The following PGM3 variants were observed in gnomAD, a reference collection of about 807,000 sequenced individuals.
PGM3 encodes the protein phosphoglucomutase 3.
Under a neutral mutation model 66.2 loss-of-function variants are expected in PGM3, and 40 were observed. The observed-to-expected ratio is 0.60, with a 90% CI of 0.47 to 0.79. The LOEUF (loss-of-function observed/expected upper bound fraction) is 0.79. Among genes scored for constraint, PGM3 ranks in the 30% least tolerant of loss-of-function variants. The pLI, the probability that PGM3 is intolerant of heterozygous loss-of-function variation, is 0.00. For synonymous variants in PGM3, 191 were observed against 224.2 expected, an observed-to-expected ratio of 0.85 and a Z score of 1.32; for missense variants, 537 against 643.4, an observed-to-expected ratio of 0.83 and a Z score of 1.79.
rs751882115 is a variant in PGM3, at chr6:83,168,209, T to C, written c.*1025A>G. 1 of 1,570,224 alleles carries C rather than the reference T, an allele frequency of 6.4e-7. No individual in the cohort carries two copies. Among genetic ancestry groups the C allele is most frequent in the South Asian group, 1.2e-5 (1 of 82,460 alleles). Reference sequence around the variant, plus strand: ...CATTTAGCTTACATGTAAATGTAATTATTTAAAACACACACACTGCTCTGC... The same window carrying C: ...CATTTAGCTTACATGTAAATGTAATCATTTAAAACACACACACTGCTCTGC... On this transcript the variant is annotated 3_prime_UTR_variant, in exon 13 of 13. Transcript: ENST00000513973.
chr6:83,152,226 A>T, the PGM3 span: 2 of 938,356 alleles, frequency 2.1e-6, no homozygotes, highest in Non-Finnish European at 3.2e-6. Flanking sequence ...ACACACACAC[A>T]CACACATAAA....
At chr6:83,152,180 T>A in the PGM3 span, 2 of 748,344 alleles carry the variant, frequency 2.7e-6, no homozygotes. Flanking sequence ...TATATATACA[T>A]ATACATATAT....
chr6:83,151,800 A>G, the PGM3 span: 13 of 1,459,810 alleles, frequency 8.9e-6, no homozygotes, highest in Admixed American at 2.4e-4. Context: ...TAAAATATCT[A>G]TTATCAGAAA....
At position 83,188,766 on chromosome 6, in the gene PGM3, C is replaced by G; in HGVS notation, c.237G>C (p.Leu79Phe). ...EDNGVKLVDP[L>F]GEMLAPSWEE... is the part of the protein sequence containing the mutation. ...CCCAGGATGGTGCCAACATTTCACC[C>G]AAAGGATCAACCAATTTTACACCAT... Residue 79 changes from leucine (L) to phenylalanine (F), a missense_variant, in exon 3 of 13, where the codon TTG (leucine) becomes TTC (phenylalanine). Physicochemically the swap from Leu to Phe is conservative, Grantham distance 22 (BLOSUM62 0). Transcript: ENST00000513973. 6.2e-7 allele frequency: 1 copy of G among 1,614,028 alleles called. No homozygotes were observed. The highest frequency in any genetic ancestry group is 1.1e-5 in the South Asian group (1 of 91,082).
chr6:83,192,924 G>C (rs1444397387), intron 1 of PGM3, among the ~76,000 whole-genome samples: 1 of 152,036 alleles, frequency 6.6e-6, no homozygotes, highest in African/African-American at 2.4e-5. Flanking sequence ...GGTGATTCCC[G>C]GCACTCCACC....
chr6:83,182,011 T>C (rs1788209431), intron 5 of PGM3, 80 bp from the exon 6 acceptor site: 7 of 669,994 alleles, frequency 1.0e-5, no homozygotes, highest in African/African-American at 1.9e-5. Context: ...TATACATATG[T>C]GCATATGTAA....
chr6:83,184,185 T>C, intron 4 of PGM3, among the ~76,000 whole-genome samples: 1 of 151,974 alleles, frequency 6.6e-6, no homozygotes, highest in East Asian at 1.9e-4. Context: ...AGCTAACATA[T>C]AAGAAAAGCA....
At chr6:83,173,828 C>T (rs898782371) in intron 10 of PGM3, among the ~76,000 whole-genome samples, 4 of 152,126 alleles carry the variant, frequency 2.6e-5, no homozygotes, top group Non-Finnish European at 5.9e-5. Flanking sequence ...GCTCTGCCTC[C>T]CGGGTTCACA....
intron 4 of PGM3, among the ~76,000 whole-genome samples, chr6:83,183,760 G>A (rs1356275407): frequency 6.6e-6 from 1 of 151,512 alleles, no homozygotes; most frequent in Non-Finnish European, 1.5e-5. Flanking sequence ...GAGTTTCACC[G>A]TATCGCTCAG....
At position 83,187,041 on chromosome 6, in the gene PGM3, C is replaced by T; in HGVS notation, c.424G>A (p.Asp142Asn). Residue 142 changes from aspartate (D) to asparagine (N), a missense_variant, in exon 4 of 13, where the codon GAT (aspartate) becomes AAT (asparagine). Transcript: ENST00000513973. ...SSEKLSQSVI[D>N]GVTVLGGQFH... ...TGACCTCCTAGAACAGTCACACCAT[C>T]TATTACAGATTGTGAAAGTTTCTCA... 1 of 1,602,564 alleles carries T rather than the reference C, an allele frequency of 6.2e-7. No homozygotes were observed. The highest frequency in any genetic ancestry group is 1.3e-5 in the African/African-American group (1 of 74,840).
the PGM3 span, chr6:83,154,296 C>A: frequency 2.0e-6 from 3 of 1,503,774 alleles, no homozygotes; most frequent in Admixed American, 3.4e-5. Context: ...TTCCTTCTTA[C>A]TATTTACTTG....
chr6:83,190,915 T>G lies in PGM3; in HGVS notation c.98A>C (p.Glu33Ala), dbSNP rs372460106. The G allele has an allele frequency of 6.2e-7, 1 of 1,614,070 alleles. No homozygotes were observed. The highest frequency in any genetic ancestry group is 8.5e-7 in the Non-Finnish European group (1 of 1,180,006). Residue 33 changes from glutamate (E) to alanine (A), a missense_variant, in exon 2 of 13, where the codon GAA becomes GCA. Physicochemically the swap from Glu to Ala is moderately radical, Grantham distance 107 (BLOSUM62 -1). Transcript: ENST00000513973. ...GCGAAACATGACATGATCAAGATGT[T>G]CTGCCTTCGTTCGAAATCCAGCAGT... is the stretch of plus-strand genomic sequence containing the variant. ...YGTAGFRTKA[E>A]HLDHVMFRMG...
rs139032063 is a variant in PGM3 at position 83,186,944 on chromosome 6, T to C, written c.457+64A>G. ...TCAAACTTTTCTAAATAAATATACA[T>C]TACTTTTGTAAATTAAAGTTTTTTA... On this transcript the variant is annotated intron_variant, in intron 4 of 12. Coordinates refer to ENST00000513973, the MANE Select transcript of PGM3 (RefSeq NM_015599.3). 113 of 880,764 alleles carry C rather than the reference T, an allele frequency of 1.3e-4. No individual in the cohort carries two copies. In the East Asian group the frequency reaches 3.1e-3, roughly 24 times the overall value. The allele number at this position is 880,764 out of a possible 1,614,324, so 54.6% of individuals were successfully genotyped here.
At chr6:83,187,990 G>T (rs867013148) in intron 3 of PGM3, among the ~76,000 whole-genome samples, 12 of 152,222 alleles carry the variant, frequency 7.9e-5, no homozygotes, top group African/African-American at 2.6e-4. Context: ...ACAACAGAGG[G>T]TAAAAAAACC....
intron 10 of PGM3, 65 bp downstream of exon 10, chr6:83,174,309 C>G: frequency 2.3e-6 from 2 of 860,910 alleles, no homozygotes; most frequent in South Asian, 3.0e-5. Context: ...CACCCACACT[C>G]TGTTCTGTCC....
At position 83,166,957 on chromosome 6, in the gene PGM3, G is replaced by T. The variant is rs1332056867; in HGVS notation, c.*2277C>A. 4 of 986,056 alleles carry T rather than the reference G, an allele frequency of 4.1e-6. No homozygotes were observed. Among genetic ancestry groups the T allele is most frequent in the Non-Finnish European group, 4.8e-6 (4 of 830,584 alleles). The allele number at this position is 986,056 out of a possible 1,614,324, so 61.1% of individuals were successfully genotyped here. The stretch of plus-strand genomic sequence containing the variant: ...TATTTTCATTCTTTAGTGTGGAATT[G>T]TATCTGTGATTCTGCCCAAGTTCAA... On this transcript the variant is annotated 3_prime_UTR_variant, in exon 13 of 13. Transcript: ENST00000513973.
intron 11 of PGM3, 74 bp from the exon 12 acceptor site, chr6:83,170,552 C>CCTG: frequency 8.5e-7 from 1 of 1,179,184 alleles, no homozygotes; most frequent in Non-Finnish European, 1.2e-6. Flanking sequence ...AACATACATT[C>CCTG]TACGAAAAGT....
At chr6:83,193,366 G>C (rs532586866), upstream of PGM3, 1 of 152,304 alleles carries the variant, frequency 6.6e-6, no homozygotes, top group South Asian at 2.1e-4. Context: ...CGCAGGTCGC[G>C]CGCAGCTGGC....
intron 11 of PGM3, chr6:83,170,877 A>G (rs902496939): frequency 3.1e-5 from 5 of 161,238 alleles, no homozygotes; most frequent in African/African-American, 4.8e-5. Context: ...AGTACCTCCA[A>G]TTGTCTTTCA....
Sources: allele counts gnomAD v4.1 joint callset (sites outside exome capture counted in the v4.1 genomes callset), GRCh38; gene constraint gnomAD v4.1.1; transcripts MANE v1.5; gene names NCBI Gene and HGNC (gene_info 2026-07-23, HGNC 2026-07-21).